The following ZMAT3 variants were observed in gnomAD, a reference collection of about 807,000 sequenced individuals.
ZMAT3 encodes zinc finger matrin-type protein 3.
A neutral mutation model predicts 32.3 loss-of-function variants in ZMAT3; 17 were observed. The observed-to-expected ratio is 0.53, with a 90% CI of 0.36 to 0.79. The LOEUF is 0.79. Ranked by LOEUF, ZMAT3 falls within the 30% of genes least tolerant of loss-of-function variation. ZMAT3 has a pLI of 0.00. For missense variants in ZMAT3, 329 were observed against 359.7 expected (o/e 0.91, Z 0.69); for synonymous variants, 120 against 133.1 (o/e 0.90, Z 0.68).
intron 2 of ZMAT3, among the ~76,000 whole-genome samples, chr3:179,032,781 G>A (rs920661850): frequency 4.6e-5 from 7 of 151,890 alleles, no homozygotes; most frequent in Non-Finnish European, 1.0e-4. Context: ...GCCCCGTCTG[G>A]GAAGTGAGGA....
chr3:179,062,139 C>T (rs960713489), intron 2 of ZMAT3, among the ~76,000 whole-genome samples: 2 of 151,928 alleles, frequency 1.3e-5, no homozygotes, highest in African/African-American at 4.8e-5. Context: ...GCTAATGCTA[C>T]AAAGGGGTCA....
intron 3 of ZMAT3, 78 bp from the exon 4 acceptor site, chr3:179,027,890 G>C: frequency 6.9e-7 from 1 of 1,454,150 alleles, no homozygotes; most frequent in African/African-American, 1.4e-5. Context: ...GTCTTTCTAA[G>C]AGCTGAAAAA....
intron 2 of ZMAT3, among the ~76,000 whole-genome samples, chr3:179,049,990 T>A (rs1403349624): frequency 3.3e-4 from 2 of 6,088 alleles, no homozygotes; most frequent in African/African-American, 5.6e-4. Context: ...AGACTCCGTC[T>A]CAAAAAAAAA....
intron 2 of ZMAT3, among the ~76,000 whole-genome samples, chr3:179,032,543 G>A (rs914749897): frequency 2.7e-5 from 4 of 150,612 alleles, no homozygotes; most frequent in Admixed American, 6.6e-5. Context: ...CCATCATCCC[G>A]TCTGGGAAGT....
rs1560083769 is a variant in ZMAT3 at position 179,027,844 on chromosome 3, T to A, written c.391-32A>T. The A allele has an allele frequency of 5.1e-6, 8 of 1,569,122 alleles. No homozygotes were observed. The Admixed American group carries it at 1.0e-4, about 20-fold the overall frequency. On this transcript the variant is annotated intron_variant, in intron 3 of 5. Transcript: ENST00000311417. ...TCAAAGACACAAGAAGAAACAAAGTTAAAAAAAATACAGAGTTTCCTCCTT... is the reference window on the plus strand; with the variant it reads ...TCAAAGACACAAGAAGAAACAAAGTAAAAAAAAATACAGAGTTTCCTCCTT...
chr3:179,044,490 A>G (rs1168401613), intron 2 of ZMAT3, among the ~76,000 whole-genome samples: 1 of 152,042 alleles, frequency 6.6e-6, no homozygotes, highest in Admixed American at 6.6e-5. Context: ...TAAAACTACA[A>G]AAAATTAGCC....
intron 2 of ZMAT3, among the ~76,000 whole-genome samples, chr3:179,061,592 T>A: frequency 6.6e-6 from 1 of 152,132 alleles, no homozygotes; most frequent in East Asian, 1.9e-4. Context: ...AGTTTTTTTT[T>A]TAAGTACCAG....
intron 2 of ZMAT3, among the ~76,000 whole-genome samples, chr3:179,052,304 A>G (rs1720608453): frequency 6.6e-6 from 1 of 152,220 alleles, no homozygotes; most frequent in Non-Finnish European, 1.5e-5. Context: ...GCAACAAAAA[A>G]CAAACAATAC....
At chr3:179,055,182 G>A (rs1720772496) in intron 2 of ZMAT3, among the ~76,000 whole-genome samples, 1 of 152,140 alleles carries the variant, frequency 6.6e-6, no homozygotes. Flanking sequence ...GATGTATTCT[G>A]GAGAATTGGG....
At chr3:179,049,457 T>C (rs528532134) in intron 2 of ZMAT3, among the ~76,000 whole-genome samples, 2 of 152,254 alleles carry the variant, frequency 1.3e-5, no homozygotes, top group Admixed American at 6.5e-5. Context: ...ATCGAACTTA[T>C]AGCAAGTACT....
intron 2 of ZMAT3, among the ~76,000 whole-genome samples, chr3:179,061,770 C>G (rs1203206108): frequency 6.6e-6 from 1 of 152,104 alleles, no homozygotes; most frequent in Non-Finnish European, 1.5e-5. Flanking sequence ...GGGAAGGAAA[C>G]AGCTCTGCAG....
At chr3:179,025,358 T>C in intron 5 of ZMAT3, 130 bp from the exon 6 acceptor site, 2 of 774,532 alleles carry the variant, frequency 2.6e-6, no homozygotes, top group Admixed American at 5.6e-5. Flanking sequence ...TTTAAGTGAA[T>C]GTGAAGTTAA....
rs1464129910 is a variant in ZMAT3, at chr3:179,055,212, G to A, written c.270+12271C>T. ...ATTGGGACCAATGTGACACTCAGAC[G>A]CTAAGAAAGAAACGATTTATATTCT... On this transcript the variant is annotated intron_variant, in intron 2 of 5. Coordinates refer to ENST00000311417, the MANE Select transcript of ZMAT3 (RefSeq NM_022470.4). 6.6e-5 allele frequency among the ~76,000 whole-genome samples: 10 copies of A among 152,108 alleles called. No individual in the cohort carries two copies. The South Asian group carries it at 1.0e-3, about 16-fold the overall frequency.
Position 179,067,788 on chromosome 3 carries a change from A to G in ZMAT3, c.-36T>C. The stretch of plus-strand genomic sequence containing the variant: ...AGCCTGGGGCATAATCCAGTGGGTG[A>G]TGAGAAGCAAGGTCTTCAAATCTGA... On this transcript the variant is annotated 5_prime_UTR_variant, in exon 2 of 6. Transcript: ENST00000311417. 1 of 1,605,844 alleles carries G rather than the reference A, an allele frequency of 6.2e-7. No homozygotes were observed. Among genetic ancestry groups the G allele is most frequent in the South Asian group, 1.1e-5 (1 of 90,842 alleles).
At chr3:179,037,348 T>C (rs1187815241) in intron 2 of ZMAT3, among the ~76,000 whole-genome samples, 1 of 152,218 alleles carries the variant, frequency 6.6e-6, no homozygotes, top group Non-Finnish European at 1.5e-5. Context: ...CCCTTGGGAC[T>C]CTGCCATTAC....
rs1718418755 is a variant in ZMAT3 at position 179,019,162 on chromosome 3, TG to T, written c.*5854del. 1 of 152,030 alleles carries T rather than the reference TG, an allele frequency of 6.6e-6. No individual in the cohort carries two copies. The highest frequency in any genetic ancestry group is 1.5e-5 in the Non-Finnish European group (1 of 67,970). 9.4% of individuals were successfully genotyped at this position (152,030 alleles called of 1,614,324 possible). ...AATTATATTGAAACTTTAAAATTTA[TG>T]ACAAGCACTTAAAAATGACCAATTC... On this transcript the variant is annotated 3_prime_UTR_variant, in exon 6 of 6. Transcript: ENST00000311417.
At chr3:179,033,556 G>A in intron 2 of ZMAT3, among the ~76,000 whole-genome samples, 1 of 147,968 alleles carries the variant, frequency 6.8e-6, no homozygotes. Flanking sequence ...GGGATTTTAG[G>A]AAAAAAAAAA....
At chr3:179,064,683 A>T (rs1242799665) in intron 2 of ZMAT3, among the ~76,000 whole-genome samples, 1 of 152,126 alleles carries the variant, frequency 6.6e-6, no homozygotes, top group African/African-American at 2.4e-5. Flanking sequence ...TTCCCGCCTC[A>T]GCCTCCCAAA....
chr3:179,056,754 C>G (rs533563486), intron 2 of ZMAT3, among the ~76,000 whole-genome samples: 10 of 152,356 alleles, frequency 6.6e-5, no homozygotes, highest in Non-Finnish European at 5.9e-5. Flanking sequence ...TCCTCCAGAT[C>G]TGTCACTATC....
Sources: gnomAD v4.1 joint callset for allele counts (sites outside exome capture counted in the v4.1 genomes callset) on GRCh38, gnomAD v4.1.1 for gene constraint, MANE v1.5 for transcripts, NCBI Gene and HGNC (gene_info 2026-07-23, HGNC 2026-07-21) for gene names.